Variants in FRAS1 observed in about 807,000 individuals in gnomAD.
The protein encoded by FRAS1 is extracellular matrix organizing protein FRAS1.
A neutral mutation model predicts 435.2 loss-of-function variants in FRAS1; 290 were observed. That is an observed-to-expected ratio of 0.67 (90% CI 0.61 to 0.73). The LOEUF is 0.73. Among genes scored for constraint, FRAS1 ranks in the 30% least tolerant of loss-of-function variants. The probability of loss-of-function intolerance (pLI) is 0.00; values close to 1 mark genes in which losing one functional copy is unlikely to be tolerated. For missense variants in FRAS1, 4,860 were observed against 5,001.5 expected (o/e 0.97, Z 0.85); for synonymous variants, 1,800 against 1,851.0 (o/e 0.97, Z 0.71).
chr4:78,196,058 A>C (rs1722797581), intron 2 of FRAS1, among the ~76,000 whole-genome samples: 1 of 151,520 alleles, frequency 6.6e-6, no homozygotes, highest in Non-Finnish European at 1.5e-5. Context: ...CCCAGGCTGG[A>C]GTGCAGTGGC....
At chr4:78,450,063 A>G (rs1042997678) in intron 44 of FRAS1, 88 bp from the exon 45 acceptor site, 2 of 964,278 alleles carry the variant, frequency 2.1e-6, no homozygotes, top group Non-Finnish European at 3.1e-6. Context: ...ATATGTGATA[A>G]TTTAGCCTCC....
At chr4:78,521,171 A>G (rs1721374412) in intron 67 of FRAS1, among the ~76,000 whole-genome samples, 1 of 152,220 alleles carries the variant, frequency 6.6e-6, no homozygotes, top group Non-Finnish European at 1.5e-5. Flanking sequence ...AAAAGAAAGT[A>G]TAATAAGAAG....
At chr4:78,308,313 C>A in intron 15 of FRAS1, 104 bp downstream of exon 15, 2 of 1,164,576 alleles carry the variant, frequency 1.7e-6, no homozygotes, top group African/African-American at 1.5e-5. Context: ...TTTTACTCAA[C>A]ATATATGTGA....
chr4:78,065,081 T>TATATATATATATATATATATATATACAC (rs762909923), intron 1 of FRAS1, among the ~76,000 whole-genome samples: 1 of 125,692 alleles, frequency 8.0e-6, no homozygotes, highest in African/African-American at 3.0e-5. Context: ...TATATATATA[T>TATATATATATATATATATATATATACAC]ATACATACAC....
At chr4:78,075,878 G>C (rs1244989781) in intron 2 of FRAS1, among the ~76,000 whole-genome samples, 1 of 152,130 alleles carries the variant, frequency 6.6e-6, no homozygotes, top group Non-Finnish European at 1.5e-5. Context: ...AGTGGCAAAG[G>C]GAGTCCAGTT....
intron 2 of FRAS1, among the ~76,000 whole-genome samples, chr4:78,072,648 T>C (rs1740414554): frequency 6.6e-6 from 1 of 152,180 alleles, no homozygotes; most frequent in Non-Finnish European, 1.5e-5. Context: ...TACCCTTGTA[T>C]TGAATATTGT....
chr4:78,391,661 A>G (rs1339247759), intron 29 of FRAS1, among the ~76,000 whole-genome samples: 1 of 152,142 alleles, frequency 6.6e-6, no homozygotes, highest in East Asian at 1.9e-4. Flanking sequence ...CTCTTTGAGC[A>G]GTATTTTCTG....
intron 2 of FRAS1, among the ~76,000 whole-genome samples, chr4:78,095,251 G>T (rs1741738915): frequency 2.0e-5 from 3 of 152,152 alleles, no homozygotes; most frequent in Admixed American, 6.5e-5. Flanking sequence ...AAGAGTGAAA[G>T]CCTCATTGTA....
chr4:78,088,217 C>G (rs1578115159), intron 2 of FRAS1, among the ~76,000 whole-genome samples: 1 of 152,176 alleles, frequency 6.6e-6, no homozygotes, highest in Non-Finnish European at 1.5e-5. Flanking sequence ...GGAAAACTGG[C>G]TAGCCATATG....
intron 2 of FRAS1, among the ~76,000 whole-genome samples, chr4:78,074,855 G>A (rs1481645934): frequency 1.3e-5 from 2 of 152,086 alleles, no homozygotes; most frequent in Non-Finnish European, 2.9e-5. Context: ...TCTTTTAACC[G>A]ATAAGCTAAG....
At chr4:78,151,281 A>T (rs1212353860) in intron 2 of FRAS1, among the ~76,000 whole-genome samples, 1 of 151,992 alleles carries the variant, frequency 6.6e-6, no homozygotes, top group African/African-American at 2.4e-5. Flanking sequence ...TTTATTGTGG[A>T]TGAAAAGCTC....
chr4:78,489,005 C>A lies in FRAS1; in HGVS notation c.8883C>A (p.Ser2961=). Residue 2961 remains serine (S), a synonymous_variant, in exon 59 of 74, where the codon TCC becomes TCA. Coordinates refer to ENST00000512123, the MANE Select transcript of FRAS1 (RefSeq NM_025074.7). ...SSVRCYTQSH[S]AQVMEDFEER... is the part of the protein sequence containing the mutation. ...TGAGGTGCTATACTCAGAGCCATTC[C>A]GCTCAGGTCATGGAGGACTTTGAGG... 1 of 1,613,700 alleles carries A rather than the reference C, an allele frequency of 6.2e-7. No individual in the cohort carries two copies. Among genetic ancestry groups the A allele is most frequent in the Admixed American group, 1.7e-5 (1 of 59,976 alleles).
chr4:78,160,392 C>G lies in FRAS1; in HGVS notation c.109-77118C>G, dbSNP rs555996546. Among the ~76,000 whole-genome samples the G allele has an allele frequency of 2.0e-5, 3 of 152,286 alleles. No individual in the cohort carries two copies. In the South Asian group the frequency reaches 6.2e-4, roughly 32 times the overall value. ...ATTGCCAACATATCAAATATGCAGA[C>G]TTCATAGGAAAATCCGACTTTCTGA... On this transcript the variant is annotated intron_variant, in intron 2 of 73. Coordinates refer to ENST00000512123, the MANE Select transcript of FRAS1 (RefSeq NM_025074.7).
chr4:78,369,659 A>G (rs1731420105), intron 22 of FRAS1, among the ~76,000 whole-genome samples, 179 bp from the exon 23 acceptor site: 2 of 152,056 alleles, frequency 1.3e-5, no homozygotes, highest in Non-Finnish European at 2.9e-5. Context: ...ACCCTTTTCT[A>G]TTTCGGAAAC....
At position 78,444,914 on chromosome 4, in the gene FRAS1, A is replaced by T. The variant is rs375165289; in HGVS notation, c.5666-608A>T. 2.6e-5 allele frequency among the ~76,000 whole-genome samples: 4 copies of T among 152,292 alleles called. 1 individual carries two copies. Among genetic ancestry groups the T allele is most frequent in the African/African-American group, 9.6e-5 (4 of 41,560 alleles). ...CTCTGAATGGTCCTGGAGCATCACA[A>T]TAGCCCTGGTGCTCTATCCCAGGGG... On this transcript the variant is annotated intron_variant, in intron 41 of 73. Coordinates refer to ENST00000512123, the MANE Select transcript of FRAS1 (RefSeq NM_025074.7).
chr4:78,206,918 G>A (rs1723283975), intron 2 of FRAS1, among the ~76,000 whole-genome samples: 1 of 152,194 alleles, frequency 6.6e-6, no homozygotes, highest in African/African-American at 2.4e-5. Flanking sequence ...CTTATCAGTT[G>A]CTGCCACAGG....
intron 38 of FRAS1, among the ~76,000 whole-genome samples, chr4:78,438,256 A>G (rs1734506318): frequency 6.6e-6 from 1 of 152,186 alleles, no homozygotes; most frequent in African/African-American, 2.4e-5. Context: ...CTTAAAAATG[A>G]AATCTTGTAT....
chr4:78,306,703 TTCAGCTCCA>T (rs1728732014), intron 14 of FRAS1, among the ~76,000 whole-genome samples: 1 of 151,084 alleles, frequency 6.6e-6, no homozygotes, highest in Admixed American at 6.6e-5. Context: ...AGCCTTGGTT[TTCAGCTCCA>T]TCAGCTCCTT....
chr4:78,439,962 C>A (rs1234661283), intron 40 of FRAS1, among the ~76,000 whole-genome samples: 3 of 151,198 alleles, frequency 2.0e-5, no homozygotes, highest in Non-Finnish European at 4.4e-5. Context: ...GCCAAAAGCT[C>A]AGGAATTTTT....
Sources: allele counts gnomAD v4.1 joint callset (sites outside exome capture counted in the v4.1 genomes callset), GRCh38; gene constraint gnomAD v4.1.1; transcripts MANE v1.5; gene names NCBI Gene and HGNC (gene_info 2026-07-23, HGNC 2026-07-21).